Variants in LRP10 observed in about 807,000 individuals in gnomAD.
The protein encoded by LRP10 is LDL receptor related protein 10.
LRP10 carries 42 observed loss-of-function variants against 58.5 expected under a neutral mutation model. The ratio of observed to expected loss-of-function variants is 0.72; its 90% CI spans 0.56 to 0.93. The LOEUF (loss-of-function observed/expected upper bound fraction) is 0.93, where lower values mean the gene tolerates loss of function less well. Ranked by LOEUF, LRP10 falls within the 40% of genes least tolerant of loss-of-function variation. The probability of loss-of-function intolerance (pLI) is 0.00; values close to 1 mark genes in which losing one functional copy is unlikely to be tolerated. For synonymous variants in LRP10, 377 were observed against 388.5 expected (o/e 0.97, Z 0.35); for missense variants, 872 against 940.1 (o/e 0.93, Z 0.95).
intron 5 of LRP10, 77 bp from the exon 6 acceptor site, chr14:22,876,612 T>C (rs1419450385): frequency 6.4e-7 from 1 of 1,556,200 alleles, no homozygotes; most frequent in African/African-American, 1.4e-5. Flanking sequence ...GGTGTGGAAG[T>C]GGGAGGACTG....
At chr14:22,872,655 A>C in intron 1 of LRP10, 83 bp from the exon 2 acceptor site, 2 of 1,377,268 alleles carry the variant, frequency 1.5e-6, no homozygotes, top group South Asian at 1.2e-5. Flanking sequence ...GAAGTCCCGG[A>C]TGGCTCCCTT....
rs1447404796 is a variant in LRP10 at position 22,877,136 on chromosome 14, C to T, written c.1751C>T (p.Pro584Leu). 6.2e-7 allele frequency: 1 copy of T among 1,610,650 alleles called. No homozygotes were observed. The highest frequency in any genetic ancestry group is 1.3e-5 in the African/African-American group (1 of 74,876). The change falls in exon 7 of 7, where the codon CCT becomes CTT. Residue 584 changes from proline (P) to leucine (L), a missense_variant. Pro to Leu is a moderately conservative substitution (Grantham distance 98). Transcript: ENST00000359591. This position sits in a 1 kb window ranked among gnomAD's most constrained non-coding sequence, Gnocchi z 5.1. Reference protein sequence around the residue: ...RASEARSQVTPSAAPLEALDG... With the variant: ...RASEARSQVTLSAAPLEALDG... ...TCTGAGGCCAGATCCCAGGTCACAC[C>T]TTCTGCTGCTCCCCTTGAGGCCCTA...
chr14:22,879,028 G>A lies in LRP10; in HGVS notation c.*1501G>A. ...CCCTGGGGAAAGAGGCTCCCCTCAGGCTCTCCTTGTCTAGCCCCACACCTG... is the reference window on the plus strand; with the variant it reads ...CCCTGGGGAAAGAGGCTCCCCTCAGACTCTCCTTGTCTAGCCCCACACCTG... On this transcript the variant is annotated 3_prime_UTR_variant, in exon 7 of 7. Coordinates refer to ENST00000359591, the MANE Select transcript of LRP10 (RefSeq NM_014045.5). 3.0e-6 allele frequency: 1 copy of A among 331,124 alleles called. No individual in the cohort carries two copies. Among genetic ancestry groups the A allele is most frequent in the South Asian group, 2.2e-5 (1 of 46,386 alleles). 20.5% of individuals were successfully genotyped at this position (331,124 alleles called of 1,614,324 possible).
chr14:22,878,868 G>T lies in LRP10; in HGVS notation c.*1341G>T. On this transcript the variant is annotated 3_prime_UTR_variant, in exon 7 of 7. Coordinates refer to ENST00000359591, the MANE Select transcript of LRP10 (RefSeq NM_014045.5). ...GATTCGCAAGCAGTGTTGGAACCCA[G>T]CCCCTAGTGAGCAAAGTGACAGAAG... 3.7e-6 allele frequency: 1 copy of T among 270,318 alleles called. No homozygotes were observed. 16.7% of individuals were successfully genotyped at this position (270,318 alleles called of 1,614,324 possible). A position where few individuals can be genotyped will look rare whatever the true frequency, so the allele number is the denominator to read the frequency against.
chr14:22,874,389 G>C (rs1421140537), intron 3 of LRP10, among the ~76,000 whole-genome samples: 1 of 152,192 alleles, frequency 6.6e-6, no homozygotes, highest in Admixed American at 6.5e-5. Context: ...TAATTGAACT[G>C]TATGGTAATC....
chr14:22,875,537 G>A lies in LRP10; in HGVS notation c.589G>A (p.Glu197Lys), dbSNP rs748155280. The change falls in exon 5 of 7, where the codon GAG (glutamate) becomes AAG (lysine). Residue 197 changes from glutamate (E) to lysine (K), a missense_variant. By Grantham distance (56) the Glu-to-Lys change is moderately conservative. Coordinates refer to ENST00000359591, the MANE Select transcript of LRP10 (RefSeq NM_014045.5). The stretch of plus-strand genomic sequence containing the variant: ...CTCCCTGCCTTGCAATGTCACCTTG[G>A]AGGACTTCTATGGGGTCTTCTCCTC... Reference protein sequence around the residue: ...VPSLPCNVTLEDFYGVFSSPG... With the variant: ...VPSLPCNVTLKDFYGVFSSPG... 35 of 1,614,026 alleles carry A rather than the reference G, an allele frequency of 2.2e-5. No individual in the cohort carries two copies. The highest frequency in any genetic ancestry group is 2.7e-5 in the Non-Finnish European group (32 of 1,180,014).
chr14:22,876,818 T>G lies in LRP10; in HGVS notation c.1554T>G (p.Asp518Glu). 6.2e-7 allele frequency: 1 copy of G among 1,613,376 alleles called. No homozygotes were observed. Among genetic ancestry groups the G allele is most frequent in the Non-Finnish European group, 8.5e-7 (1 of 1,179,644 alleles). ...ACTTTCCTACAGAGAATCCTAATGA[T>G]GTAAGTCACTCCCCACAACCCTAGC... ...VEDFPTENPNDNSVLGNLRSL... is the reference protein window; with the variant it reads ...VEDFPTENPNENSVLGNLRSL... The change falls in exon 6 of 7, where the codon GAT (aspartate) becomes GAG (glutamate). Residue 518 changes from aspartate to glutamate, a missense_variant and splice_region_variant. Asp to Glu is a conservative substitution (Grantham distance 45, BLOSUM62 2). Transcript: ENST00000359591.
Position 22,877,556 on chromosome 14 carries a change from T to G in LRP10, c.*29T>G. 6.7e-7 allele frequency: 1 copy of G among 1,483,482 alleles called. No individual in the cohort carries two copies. Among genetic ancestry groups the G allele is most frequent in the Non-Finnish European group, 9.1e-7 (1 of 1,101,906 alleles). The allele number at this position is 1,483,482 out of a possible 1,614,324, so 91.9% of individuals were successfully genotyped here. ...GACCTGGGGGCTCTACTGAGGCCTC[T>G]CCCCTGGGGGCTCTACTCATAGTGG... On this transcript the variant is annotated 3_prime_UTR_variant, in exon 7 of 7. Transcript: ENST00000359591. This position sits in a 1 kb window ranked among gnomAD's most constrained non-coding sequence, Gnocchi z 5.1.
At chr14:22,874,237 G>T (rs1476822150) in intron 3 of LRP10, among the ~76,000 whole-genome samples, 3 of 152,186 alleles carry the variant, frequency 2.0e-5, no homozygotes, top group African/African-American at 7.2e-5. Context: ...CATTTTCCAT[G>T]AATTTACCCA....
rs1468800595 is a variant in LRP10 at position 22,876,367 on chromosome 14, G to A, written c.1419G>A (p.Glu473=). 3 of 1,613,152 alleles carry A rather than the reference G, an allele frequency of 1.9e-6. No homozygotes were observed. The highest frequency in any genetic ancestry group is 2.5e-6 in the Non-Finnish European group (3 of 1,179,440). ...TCKLYAIRTQ[E]YSIFAPLSRM... The stretch of plus-strand genomic sequence containing the variant: ...AGCTCTATGCCATTCGCACCCAGGA[G>A]TACAGGTCAGTGGGAGTGGGGCTGG... Residue 473 remains glutamate (E), a synonymous_variant, in exon 5 of 7, where the codon GAG becomes GAA. Transcript: ENST00000359591.
At position 22,877,786 on chromosome 14, in the gene LRP10, C is replaced by A; in HGVS notation, c.*259C>A. ...TCCCTTCACCACCACCTGCTCCCCA[C>A]GCCACCACCATTTGGGTGGCTGTTT... On this transcript the variant is annotated 3_prime_UTR_variant, in exon 7 of 7. Coordinates refer to ENST00000359591, the MANE Select transcript of LRP10 (RefSeq NM_014045.5). The surrounding 1 kb of genome is among the most constrained non-coding windows in gnomAD (Gnocchi z 5.1). 5.2e-6 allele frequency: 2 copies of A among 388,294 alleles called. No homozygotes were observed. The highest frequency in any genetic ancestry group is 4.6e-6 in the Non-Finnish European group (1 of 218,824). 24.1% of individuals were successfully genotyped at this position (388,294 alleles called of 1,614,324 possible). A position where few individuals can be genotyped will look rare whatever the true frequency, so the allele number is the denominator to read the frequency against.
In LRP10 at chr14:22,875,164, G is replaced by A. The variant is rs151086347; in HGVS notation, c.325G>A (p.Gly109Arg). 56 of 1,613,124 alleles carry A rather than the reference G, an allele frequency of 3.5e-5. No homozygotes were observed. Among genetic ancestry groups the A allele is most frequent in the African/African-American group, 1.3e-4 (10 of 74,886 alleles). The change falls in exon 4 of 7, where the codon GGG becomes AGG. Residue 109 changes from glycine (G) to arginine (R), a missense_variant. Physicochemically the swap from Gly to Arg is moderately radical, Grantham distance 125 (BLOSUM62 -2). Coordinates refer to ENST00000359591, the MANE Select transcript of LRP10 (RefSeq NM_014045.5). Reference protein sequence around the residue: ...EAPPSPLQLPGGNVTITYSYA... With the variant: ...EAPPSPLQLPRGNVTITYSYA... ...ACCTCCCAGCCCTCTGCAGCTGCCC[G>A]GGGGCAACGTCACCATCACTTACAG... is the stretch of plus-strand genomic sequence containing the variant.
chr14:22,876,695 T>C lies in LRP10; in HGVS notation c.1431T>C (p.Phe477=). Residue 477 remains phenylalanine (F), a synonymous_variant, in exon 6 of 7, where the codon TTT becomes TTC. Transcript: ENST00000359591. The part of the protein sequence containing the change: ...YAIRTQEYSI[F]APLSRMEAEI... ...CAGTCCTCATTCCTTCTAGCATCTT[T>C]GCCCCCCTCTCCCGGATGGAGGCTG... The C allele has an allele frequency of 6.2e-7, 1 of 1,613,578 alleles. No homozygotes were observed.
At chr14:22,872,843 A>T in intron 2 of LRP10, 61 bp downstream of exon 2, 1 of 1,543,038 alleles carries the variant, frequency 6.5e-7, no homozygotes, top group Non-Finnish European at 9.0e-7. Flanking sequence ...GTCGAGAAGG[A>T]CTCTCTGTTC....
In LRP10 at chr14:22,876,352, C is replaced by T. The variant is rs775740510; in HGVS notation, c.1404C>T (p.Ala468=). The change falls in exon 5 of 7, where the codon GCC becomes GCT. Residue 468 remains alanine, a synonymous_variant. Coordinates refer to ENST00000359591, the MANE Select transcript of LRP10 (RefSeq NM_014045.5). Reference sequence around the variant, plus strand: ...TGGGCTGCACCTGCAAGCTCTATGCCATTCGCACCCAGGAGTACAGGTCAG... The same window carrying T: ...TGGGCTGCACCTGCAAGCTCTATGCTATTCGCACCCAGGAGTACAGGTCAG... The part of the protein sequence containing the change: ...IALGCTCKLY[A]IRTQEYSIFA... The T allele has an allele frequency of 6.2e-7, 1 of 1,613,916 alleles. No homozygotes were observed. Among genetic ancestry groups the T allele is most frequent in the East Asian group, 2.2e-5 (1 of 44,878 alleles).
Position 22,877,555 on chromosome 14 carries a change from C to G in LRP10, c.*28C>G. On this transcript the variant is annotated 3_prime_UTR_variant, in exon 7 of 7. Coordinates refer to ENST00000359591, the MANE Select transcript of LRP10 (RefSeq NM_014045.5). This position sits in a 1 kb window ranked among gnomAD's most constrained non-coding sequence, Gnocchi z 5.1. ...GGACCTGGGGGCTCTACTGAGGCCT[C>G]TCCCCTGGGGGCTCTACTCATAGTG... 6.6e-7 allele frequency: 1 copy of G among 1,509,374 alleles called. No homozygotes were observed. Among genetic ancestry groups the G allele is most frequent in the South Asian group, 1.3e-5 (1 of 79,970 alleles). The allele number at this position is 1,509,374 out of a possible 1,614,324, so 93.5% of individuals were successfully genotyped here. A position where few individuals can be genotyped will look rare whatever the true frequency, so the allele number is the denominator to read the frequency against.
Position 22,873,450 on chromosome 14 carries a change from A to G in LRP10, c.215+4A>G, listed in dbSNP as rs2039975949. On this transcript the variant is annotated splice_donor_region_variant and intron_variant, in intron 3 of 6. Transcript: ENST00000359591. Reference sequence around the variant, plus strand: ...AGGAACAGACTGTCACCATCAGGTGAGAAGCAGAACAAGAGCAAGAACCCA... The same window carrying G: ...AGGAACAGACTGTCACCATCAGGTGGGAAGCAGAACAAGAGCAAGAACCCA... 1 of 1,613,808 alleles carries G rather than the reference A, an allele frequency of 6.2e-7. No individual in the cohort carries two copies. The highest frequency in any genetic ancestry group is 1.7e-5 in the Admixed American group (1 of 59,990).
chr14:22,874,532 T>C (rs2039983026), intron 3 of LRP10, among the ~76,000 whole-genome samples: 1 of 152,218 alleles, frequency 6.6e-6, no homozygotes, highest in Non-Finnish European at 1.5e-5. Context: ...TATGGTCTCA[T>C]GGCGATACCA....
chr14:22,876,601 G>A lies in LRP10; in HGVS notation c.1425-88G>A, dbSNP rs116013065. On this transcript the variant is annotated intron_variant, in intron 5 of 6. Coordinates refer to ENST00000359591, the MANE Select transcript of LRP10 (RefSeq NM_014045.5). ...GGCACAGCTCCAGCTGGCCTGGCCC[G>A]GGTGTGGAAGTGGGAGGACTGTCCA... 1,437 of 1,536,786 alleles carry A rather than the reference G, an allele frequency of 9.4e-4. 10 individuals are homozygous for A. The African/African-American group carries it at 0.015, about 16-fold the overall frequency.
Sources: allele counts gnomAD v4.1 joint callset (sites outside exome capture counted in the v4.1 genomes callset), GRCh38; gene constraint gnomAD v4.1.1; non-coding constraint Gnocchi (gnomAD v3.1); transcripts MANE v1.5; gene names NCBI Gene and HGNC (gene_info 2026-07-23, HGNC 2026-07-21).